Variants in PCNT observed in about 807,000 individuals in gnomAD.
PCNT encodes the protein pericentrin.
PCNT carries 319 observed loss-of-function variants against 380.4 expected under a neutral mutation model. The observed-to-expected ratio is 0.84, with a 90% CI of 0.77 to 0.92. The LOEUF is 0.92. Among genes scored for constraint, PCNT ranks in the 40% least tolerant of loss-of-function variants. The pLI, the probability that PCNT is intolerant of heterozygous loss-of-function variation, is 0.00. For missense variants in PCNT, 4,400 were observed against 4,255.3 expected (o/e 1.03, Z -0.95); for synonymous variants, 1,845 against 1,735.2 (o/e 1.06, Z -1.57).
At chr21:46,409,643 A>G (rs1326504692) in intron 27 of PCNT, among the ~76,000 whole-genome samples, 2 of 152,198 alleles carry the variant, frequency 1.3e-5, no homozygotes, top group East Asian at 1.9e-4. Flanking sequence ...TCTGTCGCCC[A>G]GGCTGCGGTG....
At chr21:46,360,994 T>C (rs1276356212) in intron 13 of PCNT, among the ~76,000 whole-genome samples, 3 of 152,240 alleles carry the variant, frequency 2.0e-5, no homozygotes, top group Non-Finnish European at 2.9e-5. Flanking sequence ...TCTTGTGTTT[T>C]TGGATTATTT....
chr21:46,375,917 G>A lies in PCNT; in HGVS notation c.3166-5777G>A, dbSNP rs570866096. On this transcript the variant is annotated intron_variant, in intron 15 of 46. Coordinates refer to ENST00000359568, the MANE Select transcript of PCNT (RefSeq NM_006031.6). ...CCCCTGGGTGCGAGGCGGTACCTGC[G>A]GGTGGTGCTGTGCCTTGAAACAAAG... Among the ~76,000 whole-genome samples, 9 of 152,380 alleles carry A rather than the reference G, an allele frequency of 5.9e-5. No homozygotes were observed. The East Asian group carries it at 7.7e-4, about 13-fold the overall frequency.
intron 46 of PCNT, 26 bp from the exon 47 acceptor site, chr21:46,445,258 G>A (rs756893486): frequency 1.9e-6 from 3 of 1,557,790 alleles, no homozygotes; most frequent in South Asian, 1.1e-5. Context: ...TAACCAATTT[G>A]CTGCCTCATT....
intron 16 of PCNT, 65 bp from the exon 17 acceptor site, chr21:46,385,767 C>G: frequency 2.6e-6 from 4 of 1,534,386 alleles, no homozygotes; most frequent in Non-Finnish European, 3.6e-6. Context: ...TGTTGAAAGT[C>G]CCTTACAGCC....
chr21:46,387,331 T>C (rs1172797672), intron 17 of PCNT, among the ~76,000 whole-genome samples: 1 of 152,182 alleles, frequency 6.6e-6, no homozygotes, highest in African/African-American at 2.4e-5. Context: ...AGCTTGGTGC[T>C]GACTCTCTCC....
chr21:46,325,459 C>T (rs1041337772), intron 1 of PCNT, among the ~76,000 whole-genome samples: 4 of 152,196 alleles, frequency 2.6e-5, no homozygotes, highest in Admixed American at 1.3e-4. Flanking sequence ...TGTGCTATAT[C>T]CCGACATGGA....
chr21:46,404,148 G>C lies in PCNT; in HGVS notation c.5115+1665G>C, dbSNP rs1472534675. Among the ~76,000 whole-genome samples the C allele has an allele frequency of 4.0e-5, 6 of 148,488 alleles. No individual in the cohort carries two copies. In the East Asian group the frequency reaches 1.0e-3, roughly 25 times the overall value. ...TAGCGTGGGAGAATTGTGTGTGTGTGGTGCCCACGTGGCGCGTGCTCGGTG... is the reference window on the plus strand; with the variant it reads ...TAGCGTGGGAGAATTGTGTGTGTGTCGTGCCCACGTGGCGCGTGCTCGGTG... On this transcript the variant is annotated intron_variant, in intron 27 of 46. Transcript: ENST00000359568.
chr21:46,329,922 C>T (rs971757564), intron 2 of PCNT, among the ~76,000 whole-genome samples: 7 of 152,214 alleles, frequency 4.6e-5, no homozygotes, highest in African/African-American at 1.7e-4. Flanking sequence ...TTTCATCTCA[C>T]ATCGTCATCC....
intron 6 of PCNT, chr21:46,348,341 G>T (rs2084145565): frequency 6.0e-6 from 1 of 166,182 alleles, no homozygotes; most frequent in African/African-American, 2.4e-5. Flanking sequence ...TGGTCCTCTC[G>T]CTTTGTGCAG....
At chr21:46,340,422 T>C (rs1012685951) in intron 3 of PCNT, among the ~76,000 whole-genome samples, 3 of 152,236 alleles carry the variant, frequency 2.0e-5, no homozygotes, top group Admixed American at 2.0e-4. Context: ...TGGATCGTTT[T>C]ATCTGTGTTA....
chr21:46,444,958 T>TTAA, intron 46 of PCNT, 137 bp downstream of exon 46: 1 of 824,996 alleles, frequency 1.2e-6, no homozygotes, highest in Non-Finnish European at 2.0e-6. Context: ...ACTAATAGTA[T>TTAA]TAGAATAGAG....
rs200927076 is a variant in PCNT at position 46,411,772 on chromosome 21, G to C, written c.5699G>C (p.Arg1900Pro). Residue 1900 changes from arginine (R) to proline (P), a missense_variant, in exon 28 of 47, where the codon CGC (arginine) becomes CCC (proline). Physicochemically the swap from Arg to Pro is moderately radical, Grantham distance 103. Coordinates refer to ENST00000359568, the MANE Select transcript of PCNT (RefSeq NM_006031.6). ...ELEAVLLALA[R>P]IRRALEQQPL... The stretch of plus-strand genomic sequence containing the variant: ...GAGGCCGTCCTGTTGGCCTTGGCCC[G>C]CATCCGCCGCGCCCTGGAGCAGCAG... The C allele has an allele frequency of 6.2e-7, 1 of 1,606,008 alleles. No individual in the cohort carries two copies. The highest frequency in any genetic ancestry group is 1.3e-5 in the African/African-American group (1 of 74,874).
chr21:46,349,519 T>C (rs956581255), intron 7 of PCNT, among the ~76,000 whole-genome samples, 165 bp from the exon 8 acceptor site: 5 of 152,202 alleles, frequency 3.3e-5, no homozygotes, highest in Admixed American at 6.5e-5. Flanking sequence ...GGGTAGGCGA[T>C]GTCCCCTGGT....
chr21:46,427,595 C>T (rs199892286), intron 33 of PCNT, 27 bp from the exon 34 acceptor site: 186 of 1,613,626 alleles, frequency 1.2e-4, no homozygotes, highest in South Asian at 8.7e-4. Flanking sequence ...TTTGTGAGGA[C>T]GCCACGTTTC....
intron 15 of PCNT, among the ~76,000 whole-genome samples, chr21:46,378,635 T>C (rs1466111384): frequency 1.3e-5 from 2 of 152,216 alleles, no homozygotes; most frequent in Admixed American, 1.3e-4. Context: ...CTGGAATTTT[T>C]CATACGATAT....
intron 38 of PCNT, among the ~76,000 whole-genome samples, chr21:46,433,233 A>G (rs988999845): frequency 6.6e-6 from 1 of 152,170 alleles, no homozygotes; most frequent in African/African-American, 2.4e-5. Context: ...AATACAAAAA[A>G]TTAGCCGGGC....
At chr21:46,413,534 C>T (rs906895702) in intron 29 of PCNT, among the ~76,000 whole-genome samples, 3 of 152,210 alleles carry the variant, frequency 2.0e-5, no homozygotes, top group African/African-American at 4.8e-5. Context: ...TGTGAAATTT[C>T]GTACGTGCTT....
intron 14 of PCNT, among the ~76,000 whole-genome samples, chr21:46,364,711 C>G (rs926712634): frequency 1.3e-5 from 2 of 152,228 alleles, no homozygotes; most frequent in Non-Finnish European, 2.9e-5. Context: ...AGTCCCAGGG[C>G]TGTGCCGTTC....
At chr21:46,407,145 T>C (rs1162677904) in intron 27 of PCNT, among the ~76,000 whole-genome samples, 1 of 152,194 alleles carries the variant, frequency 6.6e-6, no homozygotes, top group Non-Finnish European at 1.5e-5. Context: ...ATTTCTTCTT[T>C]GAATGTTTTC....
Sources: gnomAD v4.1 joint callset for allele counts (sites outside exome capture counted in the v4.1 genomes callset) on GRCh38, gnomAD v4.1.1 for gene constraint, MANE v1.5 for transcripts, NCBI Gene and HGNC (gene_info 2026-07-23, HGNC 2026-07-21) for gene names.